The following KCNH7 variants were observed in gnomAD, a reference collection of about 807,000 sequenced individuals.
KCNH7 encodes the protein potassium voltage-gated channel subfamily H member 7.
KCNH7 carries 49 observed loss-of-function variants against 120.8 expected under a neutral mutation model. The observed-to-expected ratio is 0.41, with a 90% CI of 0.32 to 0.51. KCNH7 has a LOEUF of 0.51. KCNH7 is among the 20% of genes least tolerant of loss of function. The probability of loss-of-function intolerance (pLI) is 0.38; values close to 1 mark genes in which losing one functional copy is unlikely to be tolerated. For missense variants in KCNH7, 1,097 were observed against 1,446.6 expected, an observed-to-expected ratio of 0.76 and a Z score of 3.92; for synonymous variants, 547 against 516.1, an observed-to-expected ratio of 1.06 and a Z score of -0.81.
At chr2:162,589,706 G>T (rs766542668) in intron 2 of KCNH7, among the ~76,000 whole-genome samples, 46 of 152,062 alleles carry the variant, frequency 3.0e-4, no homozygotes, top group Non-Finnish European at 5.1e-4. Context: ...ATCTGAGGAA[G>T]GAGTCTACTG....
intron 3 of KCNH7, among the ~76,000 whole-genome samples, chr2:162,532,044 T>A (rs1041896994): frequency 6.6e-6 from 1 of 151,850 alleles, no homozygotes; most frequent in Non-Finnish European, 1.5e-5. Flanking sequence ...AATTACCAAA[T>A]CCTCATGGAC....
chr2:162,760,373 ACTC>A (rs1688927970), intron 2 of KCNH7, among the ~76,000 whole-genome samples: 1 of 151,868 alleles, frequency 6.6e-6, no homozygotes, highest in African/African-American at 2.4e-5. Context: ...ATCTCAATAA[ACTC>A]CTCCTTGCAT....
In KCNH7 at chr2:162,778,984, C is replaced by T. The variant is rs1287884859; in HGVS notation, c.307+57553G>A. Among the ~76,000 whole-genome samples, 4 of 146,302 alleles carry T rather than the reference C, an allele frequency of 2.7e-5. No individual in the cohort carries two copies. In the Admixed American group the frequency reaches 2.7e-4, roughly 10 times the overall value. ...TTTGTCTTTCTGAGGGGTTCATCTGCCTAGGTCATTCAAACGCAATTTTAG... is the reference window on the plus strand; with the variant it reads ...TTTGTCTTTCTGAGGGGTTCATCTGTCTAGGTCATTCAAACGCAATTTTAG... On this transcript the variant is annotated intron_variant, in intron 2 of 15. Transcript: ENST00000332142.
intron 2 of KCNH7, among the ~76,000 whole-genome samples, chr2:162,678,088 T>A (rs887983043): frequency 5.9e-5 from 9 of 151,378 alleles, no homozygotes; most frequent in Admixed American, 4.6e-4. Context: ...TTAATATATG[T>A]GTAGATGTAT....
intron 3 of KCNH7, among the ~76,000 whole-genome samples, chr2:162,531,645 AT>A (rs1463966711): frequency 6.6e-6 from 1 of 151,308 alleles, no homozygotes; most frequent in Non-Finnish European, 1.5e-5. Flanking sequence ...TGGTAGCTCA[AT>A]TTTTTTTTCT....
chr2:162,750,803 C>T (rs970517581), intron 2 of KCNH7, among the ~76,000 whole-genome samples: 6 of 152,054 alleles, frequency 3.9e-5, no homozygotes, highest in South Asian at 2.1e-4. Context: ...AATTCTCACA[C>T]GTGGGAACAA....
Position 162,835,256 on chromosome 2 carries a change from A to C in KCNH7, c.307+1281T>G, listed in dbSNP as rs1685618569. On this transcript the variant is annotated intron_variant, in intron 2 of 15. Transcript: ENST00000332142. ...AAGTTATACAAACCTGTTTTTAGTA[A>C]TGTTTTGTAACCACTCAACTTCATG... 2.6e-5 allele frequency among the ~76,000 whole-genome samples: 4 copies of C among 152,104 alleles called. No homozygotes were observed. The South Asian group carries it at 8.3e-4, about 31-fold the overall frequency.
rs1687630368 is a variant in KCNH7 at position 162,729,156 on chromosome 2, A to AC, written c.307+107380dup. On this transcript the variant is annotated intron_variant, in intron 2 of 15. Coordinates refer to ENST00000332142, the MANE Select transcript of KCNH7 (RefSeq NM_033272.4). ...TATATGATTGTCATTTTGTCAATAT[A>AC]CCCAAATTTTTTTTTTTTTTTTTTT... is the stretch of plus-strand genomic sequence containing the variant. 4.9e-5 allele frequency among the ~76,000 whole-genome samples: 7 copies of AC among 144,150 alleles called. No individual in the cohort carries two copies. In the South Asian group the frequency reaches 1.5e-3, roughly 31 times the overall value. 94.6% of individuals were successfully genotyped at this position (144,150 alleles called of 152,430 possible).
intron 2 of KCNH7, among the ~76,000 whole-genome samples, chr2:162,822,077 T>A (rs1573931102): frequency 1.3e-5 from 1 of 76,202 alleles, no homozygotes; most frequent in East Asian, 4.5e-4. Context: ...AGAATTTGAT[T>A]GAGGCCATAA....
Position 162,829,232 on chromosome 2 carries a change from T to C in KCNH7, c.307+7305A>G, listed in dbSNP as rs180700591. Among the ~76,000 whole-genome samples, 78 of 152,298 alleles carry C rather than the reference T, an allele frequency of 5.1e-4. No individual in the cohort carries two copies. The East Asian group carries it at 0.015, about 29-fold the overall frequency. ...GTTGCTTCTTGGTAGTTCAGTACTA[T>C]TGCTAAATGCAGACAGCACAGTAAA... On this transcript the variant is annotated intron_variant, in intron 2 of 15. Coordinates refer to ENST00000332142, the MANE Select transcript of KCNH7 (RefSeq NM_033272.4).
intron 9 of KCNH7, among the ~76,000 whole-genome samples, chr2:162,417,976 C>T (rs1224535793): frequency 2.0e-5 from 3 of 152,082 alleles, no homozygotes; most frequent in Non-Finnish European, 4.4e-5. Context: ...TTAAAAGCAC[C>T]TGCTGTTCAG....
chr2:162,380,032 T>C lies in KCNH7; in HGVS notation c.2963-11A>G, dbSNP rs769411730. The C allele has an allele frequency of 1.1e-5, 17 of 1,613,444 alleles. No homozygotes were observed. The East Asian group carries it at 1.8e-4, about 17-fold the overall frequency. On this transcript the variant is annotated splice_polypyrimidine_tract_variant and intron_variant, in intron 13 of 15. Coordinates refer to ENST00000332142, the MANE Select transcript of KCNH7 (RefSeq NM_033272.4). ...GCATGTCAGTGATATCTGTGGAAAATAGCAAGATGGATGTCAACACTCTTA... is the reference window on the plus strand; with the variant it reads ...GCATGTCAGTGATATCTGTGGAAAACAGCAAGATGGATGTCAACACTCTTA...
intron 2 of KCNH7, among the ~76,000 whole-genome samples, chr2:162,620,375 C>T (rs1010486221): frequency 6.6e-6 from 1 of 151,868 alleles, no homozygotes; most frequent in Non-Finnish European, 1.5e-5. Flanking sequence ...AAGAACCATG[C>T]AAAATCACCT....
chr2:162,414,722 G>C (rs559591076), intron 9 of KCNH7, among the ~76,000 whole-genome samples: 2 of 152,062 alleles, frequency 1.3e-5, no homozygotes, highest in Non-Finnish European at 2.9e-5. Context: ...AATGGGATGA[G>C]TAAAGTATAA....
At chr2:162,721,004 G>T (rs1687305842) in intron 2 of KCNH7, among the ~76,000 whole-genome samples, 1 of 152,034 alleles carries the variant, frequency 6.6e-6, no homozygotes, top group African/African-American at 2.4e-5. Flanking sequence ...CTGAGGTGCG[G>T]TGCTTGCAGA....
intron 2 of KCNH7, among the ~76,000 whole-genome samples, chr2:162,548,099 C>T (rs1692542064): frequency 6.6e-6 from 1 of 152,048 alleles, no homozygotes; most frequent in Admixed American, 6.5e-5. Context: ...TATTTTTATT[C>T]TTTTATGCCT....
intron 3 of KCNH7, among the ~76,000 whole-genome samples, chr2:162,519,174 T>C (rs1691429973): frequency 6.6e-6 from 1 of 151,744 alleles, no homozygotes; most frequent in African/African-American, 2.4e-5. Flanking sequence ...TTGGACAATA[T>C]CTATTAAAGT....
intron 2 of KCNH7, among the ~76,000 whole-genome samples, chr2:162,557,029 C>G (rs550772997): frequency 1.9e-4 from 29 of 152,306 alleles, no homozygotes; most frequent in African/African-American, 5.5e-4. Context: ...CACTTAGTGG[C>G]TCAAAGCAAC....
At chr2:162,381,622 GTTCCTTC>G in intron 13 of KCNH7, among the ~76,000 whole-genome samples, 1 of 152,224 alleles carries the variant, frequency 6.6e-6, no homozygotes, top group East Asian at 1.9e-4. Flanking sequence ...TAGGATCAGA[GTTCCTTC>G]TTCTGCAGAA....
Sources: gnomAD v4.1 joint callset for allele counts (sites outside exome capture counted in the v4.1 genomes callset) on GRCh38, gnomAD v4.1.1 for gene constraint, MANE v1.5 for transcripts, NCBI Gene and HGNC (gene_info 2026-07-23, HGNC 2026-07-21) for gene names.